CEP76: variants seen among roughly 807,000 people sequenced by gnomAD.
CEP76 encodes the protein centrosomal protein 76, also known as centrosomal protein of 76 kDa.
Under a neutral mutation model 83.3 loss-of-function variants are expected in CEP76, and 55 were observed. The observed-to-expected ratio is 0.66, with a 90% CI of 0.53 to 0.83. The LOEUF (loss-of-function observed/expected upper bound fraction) is 0.83, where lower values mean the gene tolerates loss of function less well. CEP76 is among the 40% of genes least tolerant of loss of function. CEP76 has a pLI of 0.00. For synonymous variants in CEP76, 270 were observed against 274.5 expected (o/e 0.98, Z 0.16); for missense variants, 694 against 799.5 (o/e 0.87, Z 1.59).
At chr18:12,662,444 T>C in intron 12 of CEP76, among the ~76,000 whole-genome samples, 1 of 152,220 alleles carries the variant, frequency 6.6e-6, no homozygotes, top group Admixed American at 6.5e-5. Flanking sequence ...CTCTTTCTCC[T>C]ACATTACAAT....
At chr18:12,693,016 G>A (rs1287992857) in intron 6 of CEP76, among the ~76,000 whole-genome samples, 3 of 152,090 alleles carry the variant, frequency 2.0e-5, no homozygotes, top group African/African-American at 4.8e-5. Flanking sequence ...TAGAGATGAA[G>A]TCTACCTATG....
chr18:12,702,119 G>A lies in CEP76; in HGVS notation c.63+367C>T, dbSNP rs113601760. On this transcript the variant is annotated intron_variant, in intron 1 of 11. Transcript: ENST00000262127. ...CCAGCCTGGGCAACAGAGAGACTCCGTCTCAAGAAAGAAAAAAAACCTGAT... is the reference window on the plus strand; with the variant it reads ...CCAGCCTGGGCAACAGAGAGACTCCATCTCAAGAAAGAAAAAAAACCTGAT... Among the ~76,000 whole-genome samples, 395 of 152,238 alleles carry A rather than the reference G, an allele frequency of 2.6e-3. 1 individual carries two copies. Among genetic ancestry groups the A allele is most frequent in the African/African-American group, 9.1e-3 (377 of 41,550 alleles).
At chr18:12,682,677 G>A (rs2039393310) in intron 8 of CEP76, among the ~76,000 whole-genome samples, 1 of 151,962 alleles carries the variant, frequency 6.6e-6, no homozygotes. Context: ...CACCCAGGCT[G>A]GAATGCAGTG....
At chr18:12,675,715 C>T (rs2144988243) in intron 10 of CEP76, among the ~76,000 whole-genome samples, 1 of 152,116 alleles carries the variant, frequency 6.6e-6, no homozygotes, top group Admixed American at 6.5e-5. Flanking sequence ...GTTGCCCAGG[C>T]TGGAATGCAG....
Position 12,702,543 on chromosome 18 carries a change from C to A in CEP76, c.6G>T (p.Ser2=), listed in dbSNP as rs781712305. The A allele has an allele frequency of 3.1e-6, 5 of 1,604,158 alleles. No homozygotes were observed. The highest frequency in any genetic ancestry group is 1.7e-5 in the Admixed American group (1 of 59,324). The change falls in exon 1 of 12, where the codon TCG becomes TCT. Residue 2 remains serine (S), a synonymous_variant. Coordinates refer to ENST00000262127, the MANE Select transcript of CEP76 (RefSeq NM_024899.4). ...GCTCGGAGGCTTTCTCCGGAGGCAG[C>A]GACATGCTGGCAGCCGGCGTCTCCC... The part of the protein sequence containing the change: M[S]LPPEKASELK...
chr18:12,699,796 A>T, intron 3 of CEP76, 34 bp downstream of exon 3: 1 of 1,214,588 alleles, frequency 8.2e-7, no homozygotes, highest in Non-Finnish European at 1.2e-6. Context: ...ATTTACTATT[A>T]ACCACAACTA....
In CEP76 at chr18:12,673,043, C is replaced by T. The variant is rs989212461; in HGVS notation, c.*322G>A. ...CTTAGACAAACATCTCTTTGATTAC[C>T]TGTTTGTGTAAAGAAAACTGAATGC... On this transcript the variant is annotated 3_prime_UTR_variant, in exon 12 of 12. Transcript: ENST00000262127. The T allele has an allele frequency of 9.8e-7, 1 of 1,018,900 alleles. No homozygotes were observed. The highest frequency in any genetic ancestry group is 1.2e-6 in the Non-Finnish European group (1 of 852,086). 63.1% of individuals were successfully genotyped at this position (1,018,900 alleles called of 1,614,324 possible).
rs758560703 is a variant in CEP76, at chr18:12,673,384, T to C, written c.1961A>G (p.Lys654Arg). ...TTGGCCCTATAATACCGAGCGATAT[T>C]TACAAGCAAACATGATCCAAACAGC... ...ACAVWIMFAC[K>R]YRSVL The change falls in exon 12 of 12, where the codon AAA (lysine) becomes AGA (arginine). Residue 654 changes from lysine to arginine, a missense_variant. Lys to Arg is a conservative substitution (Grantham distance 26). Transcript: ENST00000262127. 34 of 1,605,692 alleles carry C rather than the reference T, an allele frequency of 2.1e-5. No homozygotes were observed. The highest frequency in any genetic ancestry group is 2.3e-5 in the Non-Finnish European group (27 of 1,177,392).
chr18:12,698,909 TA>T, intron 4 of CEP76, 69 bp downstream of exon 4: 1 of 1,134,316 alleles, frequency 8.8e-7, no homozygotes, highest in Non-Finnish European at 1.3e-6. Flanking sequence ...AAAAAGTCAT[TA>T]TTATTGTTTC....
chr18:12,675,996 C>T (rs1301958107), intron 10 of CEP76, among the ~76,000 whole-genome samples: 1 of 151,936 alleles, frequency 6.6e-6, no homozygotes, highest in Non-Finnish European at 1.5e-5. Context: ...CACCAAAAGA[C>T]CTATTGATAT....
chr18:12,669,332 G>A (rs1422395832), downstream of CEP76, among the ~76,000 whole-genome samples: 3 of 151,722 alleles, frequency 2.0e-5, no homozygotes, highest in Non-Finnish European at 2.9e-5. Context: ...GGCTGGTCTC[G>A]AACTCCTGAC....
chr18:12,665,557 C>T (rs1216372399), intron 12 of CEP76, among the ~76,000 whole-genome samples: 1 of 152,172 alleles, frequency 6.6e-6, no homozygotes, highest in Admixed American at 6.5e-5. Context: ...AACCCTCGCT[C>T]CTACTCTCGA....
chr18:12,690,249 A>G (rs2039703111), intron 7 of CEP76, among the ~76,000 whole-genome samples: 1 of 152,166 alleles, frequency 6.6e-6, no homozygotes, highest in South Asian at 2.1e-4. Context: ...CAAGCTCCCC[A>G]TCTGGACACT....
At position 12,702,476 on chromosome 18, in the gene CEP76, C is replaced by T. The variant is rs112880883; in HGVS notation, c.63+10G>A. The T allele has an allele frequency of 5.0e-6, 8 of 1,601,578 alleles. No individual in the cohort carries two copies. The highest frequency in any genetic ancestry group is 2.7e-5 in the African/African-American group (2 of 74,250). The stretch of plus-strand genomic sequence containing the variant: ...GCCCGGCGGTCTCTCCCAGCACCCG[C>T]GACTCTCACCTTGCTCAGCTGCTGG... On this transcript the variant is annotated intron_variant, in intron 1 of 11. Transcript: ENST00000262127.
intron 7 of CEP76, among the ~76,000 whole-genome samples, chr18:12,687,893 C>T (rs1444289133): frequency 6.6e-6 from 1 of 151,976 alleles, no homozygotes; most frequent in Non-Finnish European, 1.5e-5. Flanking sequence ...AAATCACAAA[C>T]TAAATATTAA....
intron 3 of CEP76, among the ~76,000 whole-genome samples, 179 bp downstream of exon 3, chr18:12,699,651 C>A (rs2040083172): frequency 6.6e-6 from 1 of 152,060 alleles, no homozygotes; most frequent in African/African-American, 2.4e-5. Flanking sequence ...TTCTACCGTG[C>A]TATACATTAA....
At chr18:12,675,510 A>C (rs1364418045) in intron 10 of CEP76, among the ~76,000 whole-genome samples, 10 of 152,332 alleles carry the variant, frequency 6.6e-5, no homozygotes, top group Admixed American at 2.6e-4. Flanking sequence ...AAAGTCAACA[A>C]ATTAATTCTA....
At chr18:12,665,601 A>G (rs2038786553) in intron 12 of CEP76, among the ~76,000 whole-genome samples, 1 of 152,208 alleles carries the variant, frequency 6.6e-6, no homozygotes, top group Non-Finnish European at 1.5e-5. Context: ...GAGATGTTGG[A>G]AGAAAAATTA....
chr18:12,683,330 C>T (rs1463250686), intron 8 of CEP76, among the ~76,000 whole-genome samples: 2 of 150,664 alleles, frequency 1.3e-5, no homozygotes, highest in African/African-American at 2.4e-5. Context: ...CCAGCCTGGG[C>T]GACAGAGCGA....
Sources: allele counts gnomAD v4.1 joint callset (sites outside exome capture counted in the v4.1 genomes callset), GRCh38; gene constraint gnomAD v4.1.1; transcripts MANE v1.5; gene names NCBI Gene and HGNC (gene_info 2026-07-23, HGNC 2026-07-21).